MYCBP2: variants seen among roughly 807,000 people sequenced by gnomAD.
MYCBP2 encodes MYC binding protein 2, also known as E3 ubiquitin-protein ligase MYCBP2.
In MYCBP2, 120 loss-of-function variants were observed where a neutral mutation model predicts 525.3. That is an observed-to-expected ratio of 0.23 (90% CI 0.20 to 0.27). The LOEUF (loss-of-function observed/expected upper bound fraction) is 0.27. Among genes scored for constraint, MYCBP2 ranks in the 10% least tolerant of loss-of-function variants. MYCBP2 has a pLI of 1.00. For missense variants in MYCBP2, 4,149 were observed against 5,657.1 expected (o/e 0.73, Z 8.55); for synonymous variants, 1,894 against 1,955.8 (o/e 0.97, Z 0.83).
intron 47 of MYCBP2, 146 bp from the exon 48 acceptor site, chr13:77,146,363 C>G (rs953663345): frequency 2.6e-6 from 1 of 385,308 alleles, no homozygotes; most frequent in Non-Finnish European, 4.5e-6. Context: ...TACTTTAGAC[C>G]ATTTATTAAA....
intron 20 of MYCBP2, among the ~76,000 whole-genome samples, chr13:77,219,306 T>A (rs958407495): frequency 3.3e-5 from 5 of 152,044 alleles, no homozygotes; most frequent in Non-Finnish European, 4.4e-5. Flanking sequence ...ACCACTCGAT[T>A]TAGCAGAAGG....
chr13:77,083,262 A>T (rs1476465466), intron 62 of MYCBP2, 70 bp from the exon 63 acceptor site: 29 of 1,342,394 alleles, frequency 2.2e-5, no homozygotes, highest in Non-Finnish European at 2.9e-5. Flanking sequence ...AAAGACTATT[A>T]TGTATACTTA....
intron 26 of MYCBP2, among the ~76,000 whole-genome samples, chr13:77,196,171 A>T (rs978614491): frequency 2.6e-5 from 4 of 152,238 alleles, no homozygotes; most frequent in Non-Finnish European, 4.4e-5. Flanking sequence ...CAGCAAGTGA[A>T]GAGGTACTGA....
intron 68 of MYCBP2, among the ~76,000 whole-genome samples, chr13:77,072,540 A>G (rs2041559939): frequency 6.6e-6 from 1 of 152,170 alleles, no homozygotes. Flanking sequence ...AAACATAGGG[A>G]AAGAAATAAA....
In MYCBP2 at chr13:77,098,044, G is replaced by A; in HGVS notation, c.9110C>T (p.Ser3037Phe). 6.2e-7 allele frequency: 1 copy of A among 1,613,684 alleles called. No individual in the cohort carries two copies. Among genetic ancestry groups the A allele is most frequent in the South Asian group, 1.1e-5 (1 of 91,056 alleles). Residue 3037 changes from serine to phenylalanine, a missense_variant, in exon 56 of 83, where the codon TCC (serine) becomes TTC (phenylalanine). Coordinates refer to ENST00000544440, the MANE Select transcript of MYCBP2 (RefSeq NM_015057.5). ...TACTATGCCTTCATGCCAGAGGAAG[G>A]AAGCAAACACAGCTCTGGCACATTC... ...VAECARAVFA[S>F]FLWHEGIVHD... is the part of the protein sequence containing the mutation.
intron 7 of MYCBP2, among the ~76,000 whole-genome samples, chr13:77,269,054 G>A (rs2074486088): frequency 6.6e-6 from 1 of 152,132 alleles, no homozygotes; most frequent in East Asian, 1.9e-4. Context: ...TCCTTCATTT[G>A]CTTTTCTCCA....
At chr13:77,153,270 T>C (rs994851391) in intron 46 of MYCBP2, among the ~76,000 whole-genome samples, 1 of 152,092 alleles carries the variant, frequency 6.6e-6, no homozygotes, top group Non-Finnish European at 1.5e-5. Flanking sequence ...AAAGCATTAA[T>C]TGTGACACAC....
At chr13:77,277,960 G>C (rs1249779788) in intron 4 of MYCBP2, among the ~76,000 whole-genome samples, 1 of 152,146 alleles carries the variant, frequency 6.6e-6, no homozygotes, top group Non-Finnish European at 1.5e-5. Context: ...TTAAGTAAAA[G>C]CTCCTATCTT....
chr13:77,317,998 TAACATAACA>T (rs1310237000), intron 1 of MYCBP2, among the ~76,000 whole-genome samples: 94 of 141,382 alleles, frequency 6.6e-4, no homozygotes, highest in African/African-American at 1.8e-3. Context: ...TAACATAACA[TAACATAACA>T]GTGGGTCCCT....
chr13:77,297,336 T>C (rs1014662519), intron 1 of MYCBP2, among the ~76,000 whole-genome samples: 7 of 152,198 alleles, frequency 4.6e-5, no homozygotes, highest in Non-Finnish European at 7.3e-5. Context: ...AGATGCAAAG[T>C]AGTAAAGACA....
intron 24 of MYCBP2, among the ~76,000 whole-genome samples, chr13:77,205,923 A>C (rs2063276372): frequency 6.6e-6 from 1 of 152,192 alleles, no homozygotes; most frequent in African/African-American, 2.4e-5. Context: ...GTGCTATTTG[A>C]GGAAGACACA....
At chr13:77,278,997 C>T (rs568649588) in intron 3 of MYCBP2, 86 bp from the exon 4 acceptor site, 4 of 884,152 alleles carry the variant, frequency 4.5e-6, no homozygotes, top group Admixed American at 3.4e-5. Context: ...AAGTTACTTC[C>T]ACAGCAAATG....
intron 68 of MYCBP2, among the ~76,000 whole-genome samples, chr13:77,071,076 T>C (rs1353228007): frequency 1.3e-5 from 2 of 152,046 alleles, no homozygotes; most frequent in Non-Finnish European, 2.9e-5. Flanking sequence ...AAGGAAAGTG[T>C]CCTAACAAAC....
chr13:77,062,506 G>A (rs1046360704), intron 74 of MYCBP2, 90 bp downstream of exon 74: 1 of 1,063,818 alleles, frequency 9.4e-7, no homozygotes, highest in Admixed American at 2.0e-5. Flanking sequence ...TTATGTTGAT[G>A]TGTTTTTTGT....
At chr13:77,185,492 T>C in intron 31 of MYCBP2, 115 bp from the exon 32 acceptor site, 1 of 1,117,632 alleles carries the variant, frequency 8.9e-7, no homozygotes, top group Non-Finnish European at 1.3e-6. Context: ...ACTAATATCT[T>C]AGAAATGAAA....
chr13:77,160,065 CTTTT>C (rs34051925), intron 44 of MYCBP2, among the ~76,000 whole-genome samples: 1 of 136,242 alleles, frequency 7.3e-6, no homozygotes. Flanking sequence ...AAATCACAAA[CTTTT>C]TTTTTTTTTT....
rs1449969654 is a variant in MYCBP2 at position 77,144,568 on chromosome 13, G to T, written c.7188-8C>A. 2 of 1,568,362 alleles carry T rather than the reference G, an allele frequency of 1.3e-6. No homozygotes were observed. The highest frequency in any genetic ancestry group is 8.8e-7 in the Non-Finnish European group (1 of 1,139,040). ...AGCATATTCTCACTGGGTCTGAAAA[G>T]AAATAAGATGGATATTGGAAATTTT... On this transcript the variant is annotated splice_polypyrimidine_tract_variant and splice_region_variant and intron_variant, in intron 48 of 82. Transcript: ENST00000544440.
Position 77,077,186 on chromosome 13 carries a change from C to T in MYCBP2, c.11686G>A (p.Ala3896Thr). Residue 3896 changes from alanine to threonine, a missense_variant, in exon 67 of 83, where the codon GCT becomes ACT. This residue lies in a region of MYCBP2 where 509 missense variants were observed against 789.4 expected (regional missense o/e 0.64). Coordinates refer to ENST00000544440, the MANE Select transcript of MYCBP2 (RefSeq NM_015057.5). ...ASVAQQRNCEAETLRVFRLIT... is the reference protein window; with the variant it reads ...ASVAQQRNCETETLRVFRLIT... ...AGTCTGAATACTCGCAGAGTCTCAG[C>T]TTCACAGTTCCTCTGCTGGGCCACA... 1 of 1,614,024 alleles carries T rather than the reference C, an allele frequency of 6.2e-7. No homozygotes were observed. Among genetic ancestry groups the T allele is most frequent in the Non-Finnish European group, 8.5e-7 (1 of 1,179,974 alleles).
Position 77,233,232 on chromosome 13 carries a change from C to T in MYCBP2, c.2661G>A (p.Met887Ile). 6.2e-7 allele frequency: 1 copy of T among 1,613,460 alleles called. No homozygotes were observed. Among genetic ancestry groups the T allele is most frequent in the Non-Finnish European group, 8.5e-7 (1 of 1,179,710 alleles). The change falls in exon 18 of 83, where the codon ATG (methionine) becomes ATA (isoleucine). Residue 887 changes from methionine (M) to isoleucine (I), a missense_variant. Around this residue, in one of 21 missense-constraint regions of MYCBP2, gnomAD observed 620 missense variants for 795.5 expected, o/e 0.78. Transcript: ENST00000544440. ...GPLVFAGPIF[M>I]NHREQALARL... ...TGGCTAGAGCCTGTTCTCGATGGTT[C>T]ATAAAAATAGGACCAGCAAATACAA...
Sources: allele counts gnomAD v4.1 joint callset (sites outside exome capture counted in the v4.1 genomes callset), GRCh38; gene constraint gnomAD v4.1.1; regional missense constraint gnomAD v4.1.1; transcripts MANE v1.5; gene names NCBI Gene and HGNC (gene_info 2026-07-23, HGNC 2026-07-21).